The following EXOC4 variants were observed in gnomAD, a reference collection of about 807,000 sequenced individuals.
EXOC4 encodes SEC8-like 1.
A neutral mutation model predicts 107.2 loss-of-function variants in EXOC4; 71 were observed. That is an observed-to-expected ratio of 0.66 (90% confidence interval 0.55 to 0.81). The LOEUF (loss-of-function observed/expected upper bound fraction) is 0.81. Among genes scored for constraint, EXOC4 ranks in the 30% least tolerant of loss-of-function variants. The pLI is 0.00. For synonymous variants in EXOC4, 456 were observed against 441.2 expected (o/e 1.03, Z -0.42); for missense variants, 1,108 against 1,189.6 (o/e 0.93, Z 1.01).
At chr7:133,298,589 G>GT (rs1164817119) in intron 3 of EXOC4, among the ~76,000 whole-genome samples, 1 of 151,778 alleles carries the variant, frequency 6.6e-6, no homozygotes, top group African/African-American at 2.4e-5. Flanking sequence ...AACAAAAGAG[G>GT]TTTTTTTTCT....
chr7:133,437,361 A>G (rs1248324759), intron 7 of EXOC4, among the ~76,000 whole-genome samples: 1 of 152,184 alleles, frequency 6.6e-6, no homozygotes, highest in Non-Finnish European at 1.5e-5. Context: ...TTTTCTGTTC[A>G]GAAGAAATGG....
intron 14 of EXOC4, among the ~76,000 whole-genome samples, chr7:133,972,739 T>C (rs1351766078): frequency 6.6e-6 from 1 of 152,208 alleles, no homozygotes; most frequent in East Asian, 1.9e-4. Context: ...TTGTGTGTTG[T>C]GGGTTTTTTG....
At chr7:133,294,363 T>C (rs1409555870) in intron 3 of EXOC4, among the ~76,000 whole-genome samples, 7 of 152,174 alleles carry the variant, frequency 4.6e-5, no homozygotes, top group African/African-American at 1.7e-4. Context: ...TGATTTATCA[T>C]CCCATAGAAG....
intron 1 of EXOC4, among the ~76,000 whole-genome samples, chr7:133,265,362 C>T (rs1320528035): frequency 1.3e-5 from 2 of 151,296 alleles, no homozygotes; most frequent in African/African-American, 2.4e-5. Context: ...GCCAAGATCG[C>T]GCCACTGCAC....
chr7:133,631,383 C>T (rs878900494), intron 10 of EXOC4, among the ~76,000 whole-genome samples: 4 of 151,918 alleles, frequency 2.6e-5, no homozygotes, highest in Admixed American at 6.6e-5. Context: ...TCTCATTAAC[C>T]GAGACTTACT....
chr7:133,327,627 G>A (rs1184001174), intron 5 of EXOC4, among the ~76,000 whole-genome samples: 1 of 152,080 alleles, frequency 6.6e-6, no homozygotes, highest in Non-Finnish European at 1.5e-5. Context: ...CAGAGATTTT[G>A]TTGCATTGTG....
intron 10 of EXOC4, among the ~76,000 whole-genome samples, chr7:133,759,396 G>GT (rs2151149241): frequency 6.6e-6 from 1 of 152,280 alleles, no homozygotes; most frequent in African/African-American, 2.4e-5. Flanking sequence ...GATGATGATG[G>GT]TAACATTATG....
intron 7 of EXOC4, among the ~76,000 whole-genome samples, chr7:133,378,001 C>G (rs1260759039): frequency 3.3e-5 from 5 of 151,798 alleles, no homozygotes; most frequent in Admixed American, 2.6e-4. Context: ...TAGACTTTCA[C>G]TTAAAGAAAT....
chr7:133,520,820 C>T (rs927720423), intron 9 of EXOC4, among the ~76,000 whole-genome samples: 3 of 152,056 alleles, frequency 2.0e-5, no homozygotes, highest in African/African-American at 7.2e-5. Flanking sequence ...CTATCGCCTT[C>T]TCCACAACAG....
chr7:133,374,762 G>T (rs906541597), intron 6 of EXOC4, 66 bp from the exon 7 acceptor site: 2 of 1,313,288 alleles, frequency 1.5e-6, no homozygotes, highest in Non-Finnish European at 2.1e-6. Flanking sequence ...TTTCTTGCAG[G>T]TCACTGTAAG....
chr7:133,391,664 A>T (rs568167594), intron 7 of EXOC4, among the ~76,000 whole-genome samples: 1 of 152,342 alleles, frequency 6.6e-6, no homozygotes, highest in African/African-American at 2.4e-5. Context: ...GAGGAAATAC[A>T]TCATAGACTC....
At chr7:133,290,178 A>G (rs564609587) in intron 3 of EXOC4, among the ~76,000 whole-genome samples, 45 of 152,324 alleles carry the variant, frequency 3.0e-4, no homozygotes, top group Non-Finnish European at 4.0e-4. Context: ...TGAATGGTCA[A>G]TTTCCACAGT....
chr7:133,907,149 C>A (rs1245317503), intron 12 of EXOC4, among the ~76,000 whole-genome samples: 1 of 152,152 alleles, frequency 6.6e-6, no homozygotes, highest in Admixed American at 6.5e-5. Flanking sequence ...ATGTTATCTC[C>A]TAACACTGAT....
At chr7:133,351,413 A>G (rs1795906654) in intron 5 of EXOC4, among the ~76,000 whole-genome samples, 1 of 151,940 alleles carries the variant, frequency 6.6e-6, no homozygotes. Flanking sequence ...TTTGTGATTT[A>G]GTGTTGATAG....
At chr7:133,916,303 G>C (rs1799806312) in intron 12 of EXOC4, among the ~76,000 whole-genome samples, 1 of 152,220 alleles carries the variant, frequency 6.6e-6, no homozygotes, top group South Asian at 2.1e-4. Flanking sequence ...ACCTCCTGCT[G>C]TGCCGCCCAG....
At chr7:134,074,098 G>GCTA in the EXOC4 span, among the ~76,000 whole-genome samples, 3 of 152,306 alleles carry the variant, frequency 2.0e-5, no homozygotes, top group East Asian at 5.8e-4. Flanking sequence ...ATGTCGTGGA[G>GCTA]CTACCGTGCA....
At chr7:133,496,234 A>C (rs1584958813) in intron 9 of EXOC4, among the ~76,000 whole-genome samples, 1 of 152,054 alleles carries the variant, frequency 6.6e-6, no homozygotes, top group Non-Finnish European at 1.5e-5. Context: ...AACTCACTGC[A>C]GCCTTGATCT....
the EXOC4 span, among the ~76,000 whole-genome samples, chr7:134,076,037 G>A: frequency 0.21 from 31,743 of 152,086 alleles, 4,998 homozygotes; most frequent in African/African-American, 0.45. Context: ...TACACACAAC[G>A]AAGAGGCTGA....
At chr7:133,428,947 A>G (rs1797790331) in intron 7 of EXOC4, among the ~76,000 whole-genome samples, 1 of 152,186 alleles carries the variant, frequency 6.6e-6, no homozygotes, top group South Asian at 2.1e-4. Context: ...ACATATGTGT[A>G]GATTAGAAAA....
Sources: gnomAD v4.1 joint callset for allele counts (sites outside exome capture counted in the v4.1 genomes callset) on GRCh38, gnomAD v4.1.1 for gene constraint, MANE v1.5 for transcripts, NCBI Gene and HGNC (gene_info 2026-07-23, HGNC 2026-07-21) for gene names.